Variants in NTSR1 observed in about 807,000 individuals in gnomAD.
The protein encoded by NTSR1 is neurotensin receptor type 1.
NTSR1 carries 29 observed loss-of-function variants against 31.2 expected under a neutral mutation model. The ratio of observed to expected loss-of-function variants is 0.93; its 90% CI spans 0.69 to 1.27. The LOEUF (loss-of-function observed/expected upper bound fraction) is 1.27. NTSR1 is among the 50% of genes most tolerant of loss of function. The pLI is 0.00. For missense variants in NTSR1, 697 were observed against 595.4 expected, an observed-to-expected ratio of 1.17 and a Z score of -1.78; for synonymous variants, 282 against 269.9, an observed-to-expected ratio of 1.04 and a Z score of -0.44.
intron 1 of NTSR1, among the ~76,000 whole-genome samples, chr20:62,731,152 T>G (rs927829206): frequency 2.0e-5 from 3 of 152,188 alleles, no homozygotes; most frequent in African/African-American, 7.2e-5. Flanking sequence ...TGGCACAATC[T>G]CGGCTCACCA....
rs1305148975 is a variant in NTSR1, at chr20:62,711,927, G to A, written c.714+2006G>A. 6.6e-6 allele frequency among the ~76,000 whole-genome samples: 1 copy of A among 152,220 alleles called. No homozygotes were observed. The highest frequency in any genetic ancestry group is 1.9e-4 in the East Asian group (1 of 5,188). On this transcript the variant is annotated intron_variant, in intron 1 of 3. Coordinates refer to ENST00000370501, the MANE Select transcript of NTSR1 (RefSeq NM_002531.3). This position sits in a 1 kb window ranked among gnomAD's most constrained non-coding sequence, Gnocchi z 6.4. Reference sequence around the variant, plus strand: ...TGTGACGTATCAACCGTAGGACAGCGGCCCCACGCCCTGCAGACGCCATGC... The same window carrying A: ...TGTGACGTATCAACCGTAGGACAGCAGCCCCACGCCCTGCAGACGCCATGC...
At position 62,715,597 on chromosome 20, in the gene NTSR1, A is replaced by G. The variant is rs1988700405; in HGVS notation, c.714+5676A>G. ...ACTTGGCCCAGAGTGGTTCAGGCTC[A>G]CCTGTTCACAGCTCTGCATTGTGAC... On this transcript the variant is annotated intron_variant, in intron 1 of 3. Transcript: ENST00000370501. The surrounding 1 kb of genome is among the most constrained non-coding windows in gnomAD (Gnocchi z 4.7). Among the ~76,000 whole-genome samples, 1 of 152,192 alleles carries G rather than the reference A, an allele frequency of 6.6e-6. No individual in the cohort carries two copies. The highest frequency in any genetic ancestry group is 1.5e-5 in the Non-Finnish European group (1 of 68,024).
At chr20:62,734,947 G>A (rs34166950) in intron 1 of NTSR1, among the ~76,000 whole-genome samples, 16,136 of 152,140 alleles carry the variant, frequency 0.11, 2,073 homozygotes, top group East Asian at 0.31. Context: ...CTGCTGATGA[G>A]AAGCAGCCCT....
chr20:62,739,295 C>T (rs1989161004), intron 1 of NTSR1, among the ~76,000 whole-genome samples: 1 of 152,228 alleles, frequency 6.6e-6, no homozygotes, highest in East Asian at 1.9e-4. Context: ...AGACTCGGCA[C>T]TGGATGGGGT....
chr20:62,736,436 T>G (rs1045099762), intron 1 of NTSR1, among the ~76,000 whole-genome samples: 1 of 152,220 alleles, frequency 6.6e-6, no homozygotes, highest in Non-Finnish European at 1.5e-5. Flanking sequence ...AGTCCCAGTT[T>G]AGACGCAGAA....
chr20:62,738,076 C>CCATCTGCCCACGTCTGCCCGCATCCCTT (rs1568704371), intron 1 of NTSR1, among the ~76,000 whole-genome samples: 2 of 78,718 alleles, frequency 2.5e-5, no homozygotes, highest in Admixed American at 1.7e-4. Context: ...CCCCCTCCCC[C>CCATCTGCCCACGTCTGCCCGCATCCCTT]TCCTCTGCCT....
Position 62,709,213 on chromosome 20 carries a change from C to T in NTSR1, c.6C>T (p.Arg2=). 1 of 1,460,010 alleles carries T rather than the reference C, an allele frequency of 6.8e-7. No homozygotes were observed. Among genetic ancestry groups the T allele is most frequent in the Non-Finnish European group, 9.0e-7 (1 of 1,114,540 alleles). 90.4% of individuals were successfully genotyped at this position (1,460,010 alleles called of 1,614,324 possible). Residue 2 remains arginine (R), a synonymous_variant, in exon 1 of 4, where the codon CGC becomes CGT. Transcript: ENST00000370501. The part of the protein sequence containing the change: M[R]LNSSAPGTPG... ...CGCGGACTCCAGCGCCCACCATGCG[C>T]CTCAACAGCTCCGCGCCGGGAACCC...
intron 1 of NTSR1, among the ~76,000 whole-genome samples, chr20:62,746,043 C>T (rs564874780): frequency 2.0e-5 from 3 of 152,324 alleles, no homozygotes; most frequent in African/African-American, 7.2e-5. Context: ...AGGGCTGAGA[C>T]GCCTAGAGAG....
chr20:62,713,224 CTTG>C (rs1988651639), intron 1 of NTSR1, among the ~76,000 whole-genome samples: 1 of 152,198 alleles, frequency 6.6e-6, no homozygotes, highest in African/African-American at 2.4e-5. Context: ...CTGCCTCCTC[CTTG>C]TTTTTTCTGA....
chr20:62,709,237 C>T lies in NTSR1; in HGVS notation c.30C>T (p.Thr10=). Residue 10 remains threonine (T), a synonymous_variant, in exon 1 of 4, where the codon ACC becomes ACT. Coordinates refer to ENST00000370501, the MANE Select transcript of NTSR1 (RefSeq NM_002531.3). MRLNSSAPG[T]PGTPAADPFQ... is the part of the protein sequence containing the mutation. Reference sequence around the variant, plus strand: ...GCCTCAACAGCTCCGCGCCGGGAACCCCGGGCACGCCGGCCGCCGACCCCT... The same window carrying T: ...GCCTCAACAGCTCCGCGCCGGGAACTCCGGGCACGCCGGCCGCCGACCCCT... 6.7e-7 allele frequency: 1 copy of T among 1,500,808 alleles called. No homozygotes were observed. The highest frequency in any genetic ancestry group is 1.3e-5 in the South Asian group (1 of 78,004). 93.0% of individuals were successfully genotyped at this position (1,500,808 alleles called of 1,614,324 possible).
chr20:62,750,526 T>C (rs1297109298), intron 1 of NTSR1, among the ~76,000 whole-genome samples: 3 of 151,676 alleles, frequency 2.0e-5, no homozygotes, highest in African/African-American at 4.8e-5. Context: ...CCATCTCTAC[T>C]AAAAATACAA....
intron 1 of NTSR1, among the ~76,000 whole-genome samples, chr20:62,731,872 A>T (rs111342518): frequency 0.095 from 14,469 of 152,278 alleles, 806 homozygotes; most frequent in Admixed American, 0.13. Flanking sequence ...TAATCCCAGC[A>T]CTTTGGGAGG....
chr20:62,713,016 G>A (rs986282380), intron 1 of NTSR1, among the ~76,000 whole-genome samples: 6 of 152,222 alleles, frequency 3.9e-5, no homozygotes, highest in African/African-American at 1.4e-4. Context: ...TCAGGTGTCC[G>A]ATTCAAATCA....
rs1989041954 is a variant in NTSR1 at position 62,733,911 on chromosome 20, C to T, written c.715-20774C>T. Among the ~76,000 whole-genome samples the T allele has an allele frequency of 6.6e-6, 1 of 152,176 alleles. No individual in the cohort carries two copies. Among genetic ancestry groups the T allele is most frequent in the African/African-American group, 2.4e-5 (1 of 41,424 alleles). ...GTGACTGATGAATGTATGATTGCTA[C>T]TTTATCTCAATAGAGGATTCGAACA... On this transcript the variant is annotated intron_variant, in intron 1 of 3. Transcript: ENST00000370501. The surrounding 1 kb of genome is among the most constrained non-coding windows in gnomAD (Gnocchi z 5.2).
At chr20:62,736,171 G>A (rs1255631543) in intron 1 of NTSR1, among the ~76,000 whole-genome samples, 1 of 152,198 alleles carries the variant, frequency 6.6e-6, no homozygotes. Context: ...CTGGAGCCTG[G>A]GGTGCCTCGG....
chr20:62,754,661 A>G, intron 1 of NTSR1, 24 bp from the exon 2 acceptor site: 1 of 1,600,418 alleles, frequency 6.2e-7, no homozygotes, highest in East Asian at 2.2e-5. Flanking sequence ...TGGCTCTGAC[A>G]GCCTCGCCCT....
At chr20:62,723,413 G>A (rs541269393) in intron 1 of NTSR1, among the ~76,000 whole-genome samples, 2 of 152,176 alleles carry the variant, frequency 1.3e-5, no homozygotes, top group African/African-American at 2.4e-5. Context: ...CCGGAGCTGC[G>A]AATAGAGCCG....
At chr20:62,756,432 A>G (rs1175810163) in intron 2 of NTSR1, among the ~76,000 whole-genome samples, 1 of 152,266 alleles carries the variant, frequency 6.6e-6, no homozygotes, top group Admixed American at 6.5e-5. Context: ...AAGCCCTTTC[A>G]TGCCTGAGAC....
intron 1 of NTSR1, among the ~76,000 whole-genome samples, chr20:62,751,745 T>C (rs856933): frequency 0.93 from 142,336 of 152,316 alleles, 66,558 homozygotes; most frequent in East Asian, 1. Flanking sequence ...CACATGCCAG[T>C]GGGATGGAGG....
Sources: allele counts gnomAD v4.1 joint callset (sites outside exome capture counted in the v4.1 genomes callset), GRCh38; gene constraint gnomAD v4.1.1; non-coding constraint Gnocchi (gnomAD v3.1); transcripts MANE v1.5; gene names NCBI Gene and HGNC (gene_info 2026-07-23, HGNC 2026-07-21).